PLEKHG1: variants seen among roughly 807,000 people sequenced by gnomAD.
The protein encoded by PLEKHG1 is pleckstrin homology domain-containing family G member 1.
Under a neutral mutation model 100.8 loss-of-function variants are expected in PLEKHG1, and 44 were observed. The observed-to-expected ratio is 0.44, with a 90% CI of 0.34 to 0.56. The LOEUF (loss-of-function observed/expected upper bound fraction) is 0.56, where lower values mean the gene tolerates loss of function less well. PLEKHG1 is among the 20% of genes least tolerant of loss of function. The pLI is 0.01. For synonymous variants in PLEKHG1, 640 were observed against 662.5 expected (o/e 0.97, Z 0.52); for missense variants, 1,545 against 1,720.9 (o/e 0.90, Z 1.81).
chr6:150,683,143 A>G lies in PLEKHG1; in HGVS notation c.-99+32357A>G, dbSNP rs1779992515. ...TTAGGCCCTAAGAGACTCCAGAGAG[A>G]CACATGGCCCGAGTCAACCTTATCC... On this transcript the variant is annotated intron_variant, in intron 3 of 3. Coordinates refer to the PLEKHG1 transcript ENST00000367326. The surrounding 1 kb of genome is among the most constrained non-coding windows in gnomAD (Gnocchi z 4.0). Among the ~76,000 whole-genome samples the G allele has an allele frequency of 6.6e-6, 1 of 152,254 alleles. No individual in the cohort carries two copies. Among genetic ancestry groups the G allele is most frequent in the Non-Finnish European group, 1.5e-5 (1 of 68,042 alleles).
Position 150,810,483 on chromosome 6 carries a change from A to AG in PLEKHG1, c.1278+750dup, listed in dbSNP as rs1562540017. On this transcript the variant is annotated intron_variant, in intron 10 of 15. Coordinates refer to ENST00000358517, the Ensembl canonical transcript of PLEKHG1. ...TGTCTCAAAAAAAAGAAAGAAAGAA[A>AG]GAAGGAAGGAAGGAGGGAAAGAAAG... Among the ~76,000 whole-genome samples, 137 of 112,812 alleles carry AG rather than the reference A, an allele frequency of 1.2e-3. No individual in the cohort carries two copies. In the Middle Eastern group the frequency reaches 0.014, roughly 12 times the overall value. 74.0% of individuals were successfully genotyped at this position (112,812 alleles called of 152,430 possible). A position where few individuals can be genotyped will look rare whatever the true frequency, so the allele number is the denominator to read the frequency against.
At chr6:150,792,690 CA>C (rs869076999) in intron 4 of PLEKHG1, among the ~76,000 whole-genome samples, 3 of 150,780 alleles carry the variant, frequency 2.0e-5, no homozygotes, top group African/African-American at 4.9e-5. Context: ...ACAACAACAA[CA>C]AAAAAAAACC....
intron 3 of PLEKHG1, among the ~76,000 whole-genome samples, chr6:150,658,135 C>T (rs1396244918): frequency 2.0e-5 from 3 of 152,154 alleles, no homozygotes; most frequent in African/African-American, 7.2e-5. Flanking sequence ...CCCAGTCGTC[C>T]TCATTTCAGT....
At chr6:150,634,464 ATC>A (rs1373344937) in intron 1 of PLEKHG1, among the ~76,000 whole-genome samples, 1 of 152,190 alleles carries the variant, frequency 6.6e-6, no homozygotes, top group African/African-American at 2.4e-5. Flanking sequence ...TCAGTATGTT[ATC>A]CAGTGCCACA....
At chr6:150,669,593 C>CTTTTTTTTT in intron 3 of PLEKHG1, among the ~76,000 whole-genome samples, 1 of 127,612 alleles carries the variant, frequency 7.8e-6, no homozygotes, top group Non-Finnish European at 1.7e-5. Context: ...AAGAATTATT[C>CTTTTTTTTT]TTTTTTTTTT....
intron 15 of PLEKHG1, among the ~76,000 whole-genome samples, chr6:150,839,454 C>A (rs1777399723): frequency 6.6e-6 from 1 of 152,158 alleles, no homozygotes; most frequent in Admixed American, 6.5e-5. Flanking sequence ...AATGATTTTT[C>A]ATTGACCAGG....
chr6:150,830,922 G>A (rs1776885480), exon 15 of PLEKHG1: 1 of 1,614,020 alleles, frequency 6.2e-7, no homozygotes, highest in Admixed American at 1.7e-5. Flanking sequence ...TCTGGTCACA[G>A]GATTGTCAGG....
intron 2 of PLEKHG1, among the ~76,000 whole-genome samples, chr6:150,649,467 G>C (rs1452016437): frequency 1.3e-5 from 2 of 152,124 alleles, no homozygotes; most frequent in African/African-American, 2.4e-5. Flanking sequence ...CAATCAACTG[G>C]AATATATTCG....
chr6:150,804,712 C>T (rs183479702), exon 7 of PLEKHG1: 4 of 1,613,714 alleles, frequency 2.5e-6, no homozygotes, highest in East Asian at 2.2e-5. Flanking sequence ...TGACATGAAG[C>T]GGAAACACGA....
intron 3 of PLEKHG1, among the ~76,000 whole-genome samples, chr6:150,715,433 GTGACACCT>G (rs1448924464): frequency 1.3e-5 from 2 of 151,776 alleles, no homozygotes; most frequent in Non-Finnish European, 2.9e-5. Flanking sequence ...GTGCGGAAGT[GTGACACCT>G]TTTGGCGTGC....
chr6:150,634,718 A>G (rs1777918064), intron 1 of PLEKHG1, among the ~76,000 whole-genome samples: 1 of 152,278 alleles, frequency 6.6e-6, no homozygotes, highest in Non-Finnish European at 1.5e-5. Flanking sequence ...AAGAAAACCC[A>G]TTAAAGTAAT....
upstream of PLEKHG1, among the ~76,000 whole-genome samples, chr6:150,716,487 C>T (rs1184610098): frequency 6.6e-6 from 1 of 152,196 alleles, no homozygotes; most frequent in African/African-American, 2.4e-5. Context: ...CATGCCTTTG[C>T]CCATCCGTCT....
At chr6:150,687,189 T>G (rs140100342) in intron 3 of PLEKHG1, among the ~76,000 whole-genome samples, 1 of 152,364 alleles carries the variant, frequency 6.6e-6, no homozygotes, top group African/African-American at 2.4e-5. Flanking sequence ...ACTTCAGTAG[T>G]CACGTAATAC....
intron 10 of PLEKHG1, among the ~76,000 whole-genome samples, chr6:150,810,520 A>G (rs1286876410): frequency 1.2e-5 from 1 of 85,244 alleles, no homozygotes. Flanking sequence ...AAGAAAAAGA[A>G]AGAAAGAAAG....
intron 2 of PLEKHG1, among the ~76,000 whole-genome samples, chr6:150,761,408 A>G (rs1784155345): frequency 6.6e-6 from 1 of 152,116 alleles, no homozygotes; most frequent in African/African-American, 2.4e-5. Flanking sequence ...CCCAGGTTCA[A>G]GCGATTGTCC....
At chr6:150,618,790 G>A (rs927274427) in intron 1 of PLEKHG1, among the ~76,000 whole-genome samples, 16 of 152,198 alleles carry the variant, frequency 1.1e-4, no homozygotes, top group African/African-American at 3.9e-4. Flanking sequence ...GGGAAGAAAT[G>A]ATGGAAAGGG....
intron 3 of PLEKHG1, among the ~76,000 whole-genome samples, chr6:150,674,784 G>C (rs137891202): frequency 6.6e-6 from 1 of 151,894 alleles, no homozygotes; most frequent in Non-Finnish European, 1.5e-5. Context: ...CTGGATTCAA[G>C]AGATTCTCCT....
chr6:150,806,422 T>C (rs1787106024), intron 7 of PLEKHG1, among the ~76,000 whole-genome samples: 1 of 152,020 alleles, frequency 6.6e-6, no homozygotes, highest in Non-Finnish European at 1.5e-5. Context: ...TGATGGTTCA[T>C]GCCTGTAATC....
At chr6:150,763,095 T>C (rs1784268247) in intron 2 of PLEKHG1, among the ~76,000 whole-genome samples, 1 of 139,502 alleles carries the variant, frequency 7.2e-6, no homozygotes, top group Admixed American at 7.6e-5. Context: ...TGGCACAATC[T>C]CAACTCACTG....
Sources: gnomAD v4.1 joint callset for allele counts (sites outside exome capture counted in the v4.1 genomes callset) on GRCh38, gnomAD v4.1.1 for gene constraint, Gnocchi (gnomAD v3.1) non-coding constraint, MANE v1.5 for transcripts, NCBI Gene and HGNC (gene_info 2026-07-23, HGNC 2026-07-21) for gene names.